The following ADAMTSL1 variants were observed in gnomAD, a reference collection of about 807,000 sequenced individuals.
ADAMTSL1 encodes ADAMTS-like protein 1.
Under a neutral mutation model 201.8 loss-of-function variants are expected in ADAMTSL1, and 126 were observed. The ratio of observed to expected loss-of-function variants is 0.62; its 90% CI spans 0.54 to 0.72. The LOEUF (loss-of-function observed/expected upper bound fraction) is 0.72. Among genes scored for constraint, ADAMTSL1 ranks in the 30% least tolerant of loss-of-function variants. The pLI is 0.00. For synonymous variants in ADAMTSL1, 1,121 were observed against 903.4 expected (o/e 1.24, Z -4.32); for missense variants, 2,679 against 2,277.8 (o/e 1.18, Z -3.59).
rs188063050 is a variant in ADAMTSL1 at position 18,858,820 on chromosome 9, G to A, written c.4249+28843G>A. 7.9e-5 allele frequency among the ~76,000 whole-genome samples: 12 copies of A among 152,306 alleles called. No individual in the cohort carries two copies. In the East Asian group the frequency reaches 1.9e-3, roughly 25 times the overall value. Reference sequence around the variant, plus strand: ...CTTCCACTCCCGCTTTCTGGTTCAGGGGTATTTAACCTGGGGTCCACAAGC... The same window carrying A: ...CTTCCACTCCCGCTTTCTGGTTCAGAGGTATTTAACCTGGGGTCCACAAGC... On this transcript the variant is annotated intron_variant, in intron 23 of 28. Transcript: ENST00000380548.
intron 2 of ADAMTSL1, among the ~76,000 whole-genome samples, chr9:18,297,792 T>G (rs1004373047): frequency 1.3e-5 from 2 of 152,222 alleles, no homozygotes; most frequent in Admixed American, 1.3e-4. Context: ...TTAAAAGACT[T>G]ACTATCTCTT....
chr9:18,421,327 T>C (rs946038962), intron 2 of ADAMTSL1, among the ~76,000 whole-genome samples: 2 of 152,190 alleles, frequency 1.3e-5, no homozygotes, highest in African/African-American at 4.8e-5. Context: ...ACCTATTTTA[T>C]TTCACACTTC....
chr9:18,599,856 T>C (rs1824510500), intron 4 of ADAMTSL1, among the ~76,000 whole-genome samples: 1 of 151,280 alleles, frequency 6.6e-6, no homozygotes, highest in African/African-American at 2.4e-5. Context: ...TTTTAATCCT[T>C]TAAAAATCAG....
At chr9:18,305,767 G>A (rs975747324) in intron 2 of ADAMTSL1, among the ~76,000 whole-genome samples, 1 of 152,172 alleles carries the variant, frequency 6.6e-6, no homozygotes, top group Non-Finnish European at 1.5e-5. Context: ...GGATGGGGTG[G>A]TTGTGGGTGC....
At position 18,232,646 on chromosome 9, in the gene ADAMTSL1, T is replaced by C. The variant is rs73645744; in HGVS notation, c.207+68665T>C. 9.7e-3 allele frequency among the ~76,000 whole-genome samples: 1,476 copies of C among 152,306 alleles called. 19 individuals carry two copies. Among genetic ancestry groups the C allele is most frequent in the African/African-American group, 0.033 (1,385 of 41,568 alleles). Reference sequence around the variant, plus strand: ...TGGAATGGGTCTCTGTAGTTAGACCTCTAGAGTTTGACTCATTCATATTCC... The same window carrying C: ...TGGAATGGGTCTCTGTAGTTAGACCCCTAGAGTTTGACTCATTCATATTCC... On this transcript the variant is annotated intron_variant, in intron 2 of 29. Transcript: ENST00000680146.
At chr9:18,390,741 G>A (rs7861529) in intron 2 of ADAMTSL1, among the ~76,000 whole-genome samples, 32,854 of 151,726 alleles carry the variant, frequency 0.22, 3,774 homozygotes, top group South Asian at 0.31. Flanking sequence ...ACGTTTTCTC[G>A]AGACACAACT....
At chr9:18,024,616 A>T (rs560583634) in intron 1 of ADAMTSL1, among the ~76,000 whole-genome samples, 1 of 152,096 alleles carries the variant, frequency 6.6e-6, no homozygotes, top group South Asian at 2.1e-4. Context: ...TTATGGCCAT[A>T]TAGTATTCCA....
At chr9:18,589,598 T>C (rs1823778996) in intron 4 of ADAMTSL1, among the ~76,000 whole-genome samples, 1 of 152,222 alleles carries the variant, frequency 6.6e-6, no homozygotes, top group East Asian at 1.9e-4. Flanking sequence ...CTGGCTAAGA[T>C]TTCCAGTACT....
intron 2 of ADAMTSL1, among the ~76,000 whole-genome samples, chr9:18,227,267 C>G (rs1297453887): frequency 6.6e-6 from 1 of 152,114 alleles, no homozygotes; most frequent in Non-Finnish European, 1.5e-5. Context: ...GGAATACCTA[C>G]CATGTATATG....
Position 18,418,287 on chromosome 9 carries a change from T to TC in ADAMTSL1, c.208-86535dup, listed in dbSNP as rs1359736774. On this transcript the variant is annotated intron_variant, in intron 2 of 29. Coordinates refer to the ADAMTSL1 transcript ENST00000680146. ...AACTTAGTGCGAAAGACTGAACGTTTCCCCCCCGGCACTGGGGAAGGCAGT... is the reference window on the plus strand; with the variant it reads ...AACTTAGTGCGAAAGACTGAACGTTTCCCCCCCCGGCACTGGGGAAGGCAGT... Among the ~76,000 whole-genome samples the TC allele has an allele frequency of 2.2e-4, 34 of 151,720 alleles. 2 individuals are homozygous for TC. The highest frequency in any genetic ancestry group is 1.9e-3 in the Admixed American group (29 of 15,218).
intron 2 of ADAMTSL1, among the ~76,000 whole-genome samples, chr9:18,437,543 G>A (rs1447848912): frequency 2.0e-5 from 3 of 152,082 alleles, no homozygotes; most frequent in Non-Finnish European, 4.4e-5. Flanking sequence ...CTACTGACCT[G>A]CCTTCCTAAC....
At chr9:18,623,370 C>A (rs1826155098) in intron 5 of ADAMTSL1, among the ~76,000 whole-genome samples, 1 of 152,132 alleles carries the variant, frequency 6.6e-6, no homozygotes, top group African/African-American at 2.4e-5. Context: ...GATGAGATAA[C>A]TGAAGCTTAG....
At chr9:18,442,819 C>T (rs1232162479) in intron 2 of ADAMTSL1, among the ~76,000 whole-genome samples, 5 of 152,182 alleles carry the variant, frequency 3.3e-5, no homozygotes, top group African/African-American at 7.2e-5. Flanking sequence ...CACCTAGTGG[C>T]CTGCAAGTCA....
intron 2 of ADAMTSL1, among the ~76,000 whole-genome samples, chr9:18,246,570 TTTC>T (rs1159959149): frequency 2.0e-5 from 3 of 152,192 alleles, no homozygotes; most frequent in Non-Finnish European, 4.4e-5. Context: ...TTACCTATAT[TTTC>T]TTATTTAATT....
intron 15 of ADAMTSL1, among the ~76,000 whole-genome samples, chr9:18,743,214 G>T (rs1317136864): frequency 2.0e-5 from 3 of 152,134 alleles, no homozygotes; most frequent in Non-Finnish European, 4.4e-5. Flanking sequence ...AGTATTTTTG[G>T]ACAGTGGGAT....
intron 21 of ADAMTSL1, among the ~76,000 whole-genome samples, chr9:18,823,466 C>G (rs1396240514): frequency 6.6e-6 from 1 of 152,212 alleles, no homozygotes; most frequent in Non-Finnish European, 1.5e-5. Flanking sequence ...AAGAAGCTTG[C>G]AAGCCATTCC....
intron 2 of ADAMTSL1, among the ~76,000 whole-genome samples, chr9:18,285,869 TC>T (rs1476935635): frequency 1.3e-5 from 2 of 152,302 alleles, no homozygotes; most frequent in East Asian, 3.9e-4. Context: ...ACAATAAAAC[TC>T]ACCCATTTAA....
At chr9:18,266,340 T>A (rs1454250086) in intron 2 of ADAMTSL1, among the ~76,000 whole-genome samples, 2 of 152,244 alleles carry the variant, frequency 1.3e-5, no homozygotes, top group Non-Finnish European at 2.9e-5. Flanking sequence ...GACCAGAGCC[T>A]GGTCCTCCAT....
chr9:18,537,674 G>A (rs1380661394), intron 3 of ADAMTSL1, among the ~76,000 whole-genome samples: 1 of 152,062 alleles, frequency 6.6e-6, no homozygotes, highest in Non-Finnish European at 1.5e-5. Flanking sequence ...CCAGGAGTTT[G>A]AGACTAGCCT....
Sources: gnomAD v4.1 joint callset for allele counts (sites outside exome capture counted in the v4.1 genomes callset) on GRCh38, gnomAD v4.1.1 for gene constraint, MANE v1.5 for transcripts, NCBI Gene and HGNC (gene_info 2026-07-23, HGNC 2026-07-21) for gene names.